TUFT1: variants seen among roughly 807,000 people sequenced by gnomAD.
TUFT1 encodes the protein tuftelin 1.
TUFT1 carries 43 observed loss-of-function variants against 57.8 expected under a neutral mutation model. That is an observed-to-expected ratio of 0.74 (90% CI 0.58 to 0.96). TUFT1 has a LOEUF of 0.96. Ranked by LOEUF, TUFT1 falls within the 40% of genes least tolerant of loss-of-function variation. The pLI, the probability that TUFT1 is intolerant of heterozygous loss-of-function variation, is 0.00. For missense variants in TUFT1, 459 were observed against 489.0 expected, an observed-to-expected ratio of 0.94 and a Z score of 0.58; for synonymous variants, 166 against 176.7, an observed-to-expected ratio of 0.94 and a Z score of 0.48.
intron 1 of TUFT1, chr1:151,561,691 A>G (rs1254884631): frequency 3.1e-6 from 4 of 1,285,286 alleles, no homozygotes; most frequent in Non-Finnish European, 4.0e-6. Context: ...TGTAAAGTGC[A>G]TCAATAACTT....
chr1:151,574,477 A>G (rs967581450), intron 8 of TUFT1, 79 bp downstream of exon 8: 11 of 1,566,510 alleles, frequency 7.0e-6, no homozygotes, highest in Non-Finnish European at 9.5e-6. Flanking sequence ...ACGGTTGCCG[A>G]GACCCTTCTT....
At chr1:151,564,749 G>A in intron 5 of TUFT1, 135 bp downstream of exon 5, 1 of 726,272 alleles carries the variant, frequency 1.4e-6, no homozygotes, top group Admixed American at 2.3e-5. Flanking sequence ...GGTGATGCTG[G>A]CTTCTCTGGA....
At chr1:151,547,486 T>C (rs1267693424) in intron 1 of TUFT1, among the ~76,000 whole-genome samples, 5 of 151,926 alleles carry the variant, frequency 3.3e-5, no homozygotes, top group Admixed American at 3.3e-4. Flanking sequence ...GTTGCGGAAA[T>C]AGGTATGTGC....
rs566441296 is a variant in TUFT1, at chr1:151,577,660, T to C, written c.819-1061T>C. The stretch of plus-strand genomic sequence containing the variant: ...AGAAACAAAATTGTGTGAAGAGGCT[T>C]TAAGGAGCCTCAAATTCTGTCTTTC... On this transcript the variant is annotated intron_variant, in intron 9 of 12. Coordinates refer to ENST00000368849, the MANE Select transcript of TUFT1 (RefSeq NM_020127.3). Among the ~76,000 whole-genome samples, 3 of 152,246 alleles carry C rather than the reference T, an allele frequency of 2.0e-5. No homozygotes were observed. The East Asian group carries it at 5.8e-4, about 29-fold the overall frequency.
At chr1:151,571,783 C>T (rs1307310740) in intron 7 of TUFT1, among the ~76,000 whole-genome samples, 1 of 152,136 alleles carries the variant, frequency 6.6e-6, no homozygotes, top group African/African-American at 2.4e-5. Flanking sequence ...AGGAGTCTGC[C>T]GCTCTGGATT....
At chr1:151,557,418 C>T in intron 1 of TUFT1, 1 of 1,005,136 alleles carries the variant, frequency 9.9e-7, no homozygotes, top group Non-Finnish European at 1.5e-6. Context: ...GCTTTCCAGC[C>T]CCAGCCCCGG....
intron 1 of TUFT1, among the ~76,000 whole-genome samples, chr1:151,560,976 G>T (rs998055770): frequency 6.6e-6 from 1 of 150,838 alleles, no homozygotes; most frequent in African/African-American, 2.4e-5. Context: ...GTGTGTGTGT[G>T]TGTGTGTGTG....
Position 151,579,587 on chromosome 1 carries a change from G to A in TUFT1, c.925-62G>A, listed in dbSNP as rs1225149615. The A allele has an allele frequency of 1.9e-6, 3 of 1,570,922 alleles. No homozygotes were observed. The African/African-American group carries it at 4.1e-5, about 21-fold the overall frequency. On this transcript the variant is annotated intron_variant, in intron 10 of 12. Transcript: ENST00000368849. The stretch of plus-strand genomic sequence containing the variant: ...TGCCTTCCCCAGCAGCTGGGGTGAA[G>A]TCTGGTGAGTGTGTAATGAGTCATT...
chr1:151,559,921 G>C (rs1665827995), intron 1 of TUFT1, among the ~76,000 whole-genome samples: 1 of 151,838 alleles, frequency 6.6e-6, no homozygotes, highest in Non-Finnish European at 1.5e-5. Flanking sequence ...AGTCTCCTGA[G>C]CAGCTGGGAT....
At chr1:151,575,655 G>A (rs1312045417) in intron 9 of TUFT1, among the ~76,000 whole-genome samples, 1 of 152,164 alleles carries the variant, frequency 6.6e-6, no homozygotes, top group East Asian at 1.9e-4. Context: ...TCAGGAATTT[G>A]GAAGTTATGC....
At chr1:151,557,595 T>C in intron 1 of TUFT1, 1 of 1,103,666 alleles carries the variant, frequency 9.1e-7, no homozygotes, top group Non-Finnish European at 1.4e-6. Context: ...CCATGCAGCC[T>C]CTCAAGTCCC....
chr1:151,557,389 C>A, intron 1 of TUFT1: 1 of 751,550 alleles, frequency 1.3e-6, no homozygotes, highest in Non-Finnish European at 2.3e-6. Flanking sequence ...TCAAATGTAA[C>A]TTAGAAAACC....
chr1:151,568,337 T>C (rs1250153954), intron 6 of TUFT1, among the ~76,000 whole-genome samples: 1 of 152,224 alleles, frequency 6.6e-6, no homozygotes, highest in Non-Finnish European at 1.5e-5. Context: ...GATGAACTTG[T>C]GCTATATCTT....
At chr1:151,579,870 C>T in intron 11 of TUFT1, 138 bp downstream of exon 11, 1 of 809,306 alleles carries the variant, frequency 1.2e-6, no homozygotes, top group South Asian at 1.8e-5. Context: ...GGTTGGTTGA[C>T]TTTCAGTTCA....
Position 151,566,215 on chromosome 1 carries a change from G to A in TUFT1, c.467G>A (p.Ser156Asn), listed in dbSNP as rs1666073203. ...AGTCAGAGTCCCACAGCCCTGTACA[G>A]CAGCCCACCTGAGGTAGGTAACAGA... Reference protein sequence around the residue: ...GFSQSPTALYSSPPEVDTCIN... With the variant: ...GFSQSPTALYNSPPEVDTCIN... The change falls in exon 6 of 13, where the codon AGC becomes AAC. Residue 156 changes from serine to asparagine, a missense_variant. Coordinates refer to ENST00000368849, the MANE Select transcript of TUFT1 (RefSeq NM_020127.3). 2.5e-6 allele frequency: 4 copies of A among 1,611,370 alleles called. No individual in the cohort carries two copies. Among genetic ancestry groups the A allele is most frequent in the Non-Finnish European group, 3.4e-6 (4 of 1,179,062 alleles).
intron 1 of TUFT1, chr1:151,557,835 TGTGCCGCCTG>T: frequency 1.3e-6 from 1 of 748,540 alleles, no homozygotes; most frequent in Non-Finnish European, 2.5e-6. Flanking sequence ...GACGGAGTGC[TGTGCCGCCTG>T]GTGCCGACAG....
chr1:151,569,487 T>C (rs1469204624), intron 6 of TUFT1, among the ~76,000 whole-genome samples, 170 bp from the exon 7 acceptor site: 1 of 152,214 alleles, frequency 6.6e-6, no homozygotes, highest in Non-Finnish European at 1.5e-5. Context: ...ATTGAATAAC[T>C]CAGAATTCCT....
At chr1:151,578,957 G>C (rs1312491839) in intron 10 of TUFT1, 131 bp downstream of exon 10, 1 of 679,010 alleles carries the variant, frequency 1.5e-6, no homozygotes, top group Non-Finnish European at 2.4e-6. Flanking sequence ...CAATTACCAG[G>C]TTCAGGTTAT....
chr1:151,561,302 T>A (rs536292493), intron 1 of TUFT1, among the ~76,000 whole-genome samples: 4 of 152,080 alleles, frequency 2.6e-5, no homozygotes, highest in Non-Finnish European at 2.9e-5. Flanking sequence ...CCGGCCTTTT[T>A]AAAAAAATCT....
Sources: allele counts gnomAD v4.1 joint callset (sites outside exome capture counted in the v4.1 genomes callset), GRCh38; gene constraint gnomAD v4.1.1; transcripts MANE v1.5; gene names NCBI Gene and HGNC (gene_info 2026-07-23, HGNC 2026-07-21).